Variants in TEX9 observed in about 807,000 individuals in gnomAD.
The protein encoded by TEX9 is testis expressed 9.
In TEX9, 74 loss-of-function variants were observed where a neutral mutation model predicts 59.6. That is an observed-to-expected ratio of 1.24 (90% CI 1.03 to 1.51). TEX9 has a LOEUF of 1.51. Among genes scored for constraint, TEX9 ranks in the 40% most tolerant of loss-of-function variants. TEX9 has a pLI of 0.00. For missense variants in TEX9, 522 were observed against 447.8 expected (o/e 1.17, Z -1.49); for synonymous variants, 186 against 152.2 (o/e 1.22, Z -1.64).
intron 10 of TEX9, among the ~76,000 whole-genome samples, chr15:56,421,253 G>T (rs2049964061): frequency 6.6e-6 from 1 of 151,822 alleles, no homozygotes; most frequent in Non-Finnish European, 1.5e-5. Flanking sequence ...CAGTATCTAA[G>T]AAGATTGTTA....
chr15:56,335,403 A>C (rs780931690), intron 1 of TEX9, among the ~76,000 whole-genome samples: 5 of 152,182 alleles, frequency 3.3e-5, no homozygotes, highest in Non-Finnish European at 7.4e-5. Flanking sequence ...CAGGCACAGA[A>C]AGACAAACAT....
At chr15:56,393,243 C>G (rs1413846622) in intron 7 of TEX9, among the ~76,000 whole-genome samples, 1 of 152,142 alleles carries the variant, frequency 6.6e-6, no homozygotes, top group Non-Finnish European at 1.5e-5. Context: ...TCCCTCTACT[C>G]CCTACTCACC....
intron 1 of TEX9, among the ~76,000 whole-genome samples, chr15:56,301,541 C>G (rs910544262): frequency 4.7e-5 from 7 of 147,582 alleles, no homozygotes; most frequent in Non-Finnish European, 7.5e-5. Flanking sequence ...CTAAAAGCAG[C>G]AAGAGAAAAA....
At chr15:56,348,718 TCTTTC>T (rs1419949273) in intron 1 of TEX9, among the ~76,000 whole-genome samples, 4 of 152,128 alleles carry the variant, frequency 2.6e-5, no homozygotes, top group Non-Finnish European at 5.9e-5. Flanking sequence ...GGGCATGGCT[TCTTTC>T]CTTTGTATTT....
intron 1 of TEX9, among the ~76,000 whole-genome samples, chr15:56,296,355 C>G (rs1377421496): frequency 6.6e-6 from 1 of 152,002 alleles, no homozygotes; most frequent in Non-Finnish European, 1.5e-5. Flanking sequence ...GAAAATTGCT[C>G]AAGTTTCTTT....
At chr15:56,326,952 G>C (rs1410490629) in intron 1 of TEX9, among the ~76,000 whole-genome samples, 1 of 152,126 alleles carries the variant, frequency 6.6e-6, no homozygotes, top group Non-Finnish European at 1.5e-5. Context: ...TGCTGCTTGG[G>C]TAATGGGTGC....
At chr15:56,367,015 A>G (rs571603751) in intron 2 of TEX9, among the ~76,000 whole-genome samples, 7 of 152,314 alleles carry the variant, frequency 4.6e-5, no homozygotes, top group South Asian at 2.1e-4. Flanking sequence ...ATCATTAACC[A>G]TATAGTATTA....
chr15:56,251,146 A>G (rs1167307299), intron 1 of TEX9, among the ~76,000 whole-genome samples: 1 of 152,242 alleles, frequency 6.6e-6, no homozygotes, highest in Admixed American at 6.5e-5. Context: ...TTTATTCCCA[A>G]GGATGAATTT....
intron 12 of TEX9, chr15:56,434,539 G>C (rs1259364202): frequency 2.2e-5 from 19 of 879,978 alleles, no homozygotes; most frequent in Non-Finnish European, 3.0e-5. Context: ...TGATAACTTT[G>C]TCCATCCCTT....
At chr15:56,346,655 G>C (rs1017400883) in intron 1 of TEX9, among the ~76,000 whole-genome samples, 12 of 152,030 alleles carry the variant, frequency 7.9e-5, no homozygotes, top group African/African-American at 2.7e-4. Flanking sequence ...TTTTTCTTTA[G>C]GACATTTGCA....
chr15:56,284,159 CT>C (rs763177614), intron 1 of TEX9, among the ~76,000 whole-genome samples: 1 of 151,800 alleles, frequency 6.6e-6, no homozygotes, highest in Non-Finnish European at 1.5e-5. Context: ...TACACTTCTC[CT>C]TTTTTTTCTT....
intron 9 of TEX9, among the ~76,000 whole-genome samples, chr15:56,399,801 T>C (rs1437080104): frequency 6.6e-6 from 1 of 152,130 alleles, no homozygotes; most frequent in African/African-American, 2.4e-5. Flanking sequence ...TTCTGCAATA[T>C]TTGCTGTTCT....
intron 7 of TEX9, among the ~76,000 whole-genome samples, chr15:56,392,320 TC>T (rs2048253737): frequency 6.6e-6 from 1 of 152,052 alleles, no homozygotes; most frequent in Non-Finnish European, 1.5e-5. Flanking sequence ...TCAGGAAACT[TC>T]CAATCATGGC....
Position 56,394,791 on chromosome 15 carries a change from A to G in TEX9, c.785A>G (p.Lys262Arg), listed in dbSNP as rs79299042. The change falls in exon 9 of 13, where the codon AAA (lysine) becomes AGA (arginine). Residue 262 changes from lysine (K) to arginine (R), a missense_variant. By Grantham distance (26) the Lys-to-Arg change is conservative. Coordinates refer to ENST00000352903, the Ensembl canonical transcript of TEX9. ...AAAACTCTTTTCGAAGAAGCAAACA[A>G]AAAGTATGATGGATTACAGCAACAG... 1.0e-3 allele frequency: 1,692 copies of G among 1,613,208 alleles called. 10 individuals are homozygous for G. In the African/African-American group the frequency reaches 0.02, roughly 20 times the overall value.
chr15:56,250,813 T>C (rs1156543829), intron 1 of TEX9, among the ~76,000 whole-genome samples: 1 of 152,166 alleles, frequency 6.6e-6, no homozygotes, highest in East Asian at 1.9e-4. Flanking sequence ...TTCACCTGAT[T>C]GGATGAGACC....
chr15:56,447,150 C>G (rs544133996), downstream of TEX9: 2 of 468,416 alleles, frequency 4.3e-6, no homozygotes, highest in East Asian at 7.2e-5. Flanking sequence ...AAGTACTGCT[C>G]TGTTCTATTA....
chr15:56,371,810 T>G (rs1164734053), intron 2 of TEX9, among the ~76,000 whole-genome samples: 1 of 152,240 alleles, frequency 6.6e-6, no homozygotes, highest in African/African-American at 2.4e-5. Context: ...CCCTCTTGTT[T>G]GTTTTAATTA....
chr15:56,347,532 A>G (rs1422445970), intron 1 of TEX9, among the ~76,000 whole-genome samples: 1 of 152,098 alleles, frequency 6.6e-6, no homozygotes, highest in African/African-American at 2.4e-5. Context: ...CCATAGGCAA[A>G]AAAAAAGGAA....
intron 5 of TEX9, 70 bp from the exon 6 acceptor site, chr15:56,389,248 T>A (rs1478739880): frequency 8.2e-7 from 1 of 1,225,588 alleles, no homozygotes; most frequent in Non-Finnish European, 1.2e-6. Flanking sequence ...ATTCTATGTG[T>A]TACAGAATTG....
Sources: allele counts gnomAD v4.1 joint callset (sites outside exome capture counted in the v4.1 genomes callset), GRCh38; gene constraint gnomAD v4.1.1; transcripts MANE v1.5; gene names NCBI Gene and HGNC (gene_info 2026-07-23, HGNC 2026-07-21).